The following MAD1L1 variants were observed in gnomAD, a reference collection of about 807,000 sequenced individuals.
MAD1L1 encodes mitotic spindle assembly checkpoint protein MAD1.
Under a neutral mutation model 96.9 loss-of-function variants are expected in MAD1L1, and 95 were observed. The observed-to-expected ratio is 0.98, with a 90% CI of 0.83 to 1.16. The LOEUF (loss-of-function observed/expected upper bound fraction) is 1.16, where lower values mean the gene tolerates loss of function less well. Among genes scored for constraint, MAD1L1 ranks in the 50% most tolerant of loss-of-function variants. The probability of loss-of-function intolerance (pLI) is 0.00; values close to 1 mark genes in which losing one functional copy is unlikely to be tolerated. For synonymous variants in MAD1L1, 473 were observed against 396.6 expected (o/e 1.19, Z -2.29); for missense variants, 1,007 against 954.4 (o/e 1.06, Z -0.73).
chr7:2,231,541 A>T (rs1252906336), intron 1 of MAD1L1, among the ~76,000 whole-genome samples: 3 of 152,018 alleles, frequency 2.0e-5, no homozygotes, highest in Non-Finnish European at 4.4e-5. Flanking sequence ...CAGGAGATGG[A>T]GGTTGCAGTG....
intron 16 of MAD1L1, among the ~76,000 whole-genome samples, chr7:1,947,823 G>A (rs7789484): frequency 0.86 from 130,964 of 152,190 alleles, 57,677 homozygotes; most frequent in Non-Finnish European, 0.96. Flanking sequence ...CCAGCAGGAG[G>A]GCTGAAGGGC....
intron 17 of MAD1L1, among the ~76,000 whole-genome samples, chr7:1,921,983 GA>G (rs1391932577): frequency 6.6e-6 from 1 of 152,204 alleles, no homozygotes; most frequent in Non-Finnish European, 1.5e-5. Flanking sequence ...AAAAGCAACG[GA>G]ATTAACAGAT....
At chr7:1,901,123 G>T (rs1241584135) in intron 17 of MAD1L1, among the ~76,000 whole-genome samples, 5 of 152,192 alleles carry the variant, frequency 3.3e-5, no homozygotes, top group African/African-American at 4.8e-5. Flanking sequence ...GTAGGGAAGG[G>T]TCCATCCTCC....
At chr7:2,163,831 C>G (rs1790285112) in intron 10 of MAD1L1, among the ~76,000 whole-genome samples, 1 of 152,088 alleles carries the variant, frequency 6.6e-6, no homozygotes, top group African/African-American at 2.4e-5. Flanking sequence ...GAATCTGACA[C>G]AAAGCATCTC....
At chr7:2,155,065 C>A (rs558153041) in intron 10 of MAD1L1, among the ~76,000 whole-genome samples, 5 of 152,156 alleles carry the variant, frequency 3.3e-5, no homozygotes, top group Non-Finnish European at 7.3e-5. Context: ...AGAAGCAGCA[C>A]GGGAGCCGGA....
chr7:2,148,769 G>C (rs1420524339), intron 11 of MAD1L1: 1 of 255,052 alleles, frequency 3.9e-6, no homozygotes, highest in African/African-American at 2.2e-5. Context: ...TCATGCTGAC[G>C]TGAAGACTCA....
intron 11 of MAD1L1, among the ~76,000 whole-genome samples, chr7:2,128,727 C>A (rs1162795264): frequency 3.9e-5 from 6 of 152,192 alleles, no homozygotes; most frequent in Non-Finnish European, 8.8e-5. Context: ...CCGGCTCCCT[C>A]TGCCCTTCTC....
chr7:2,152,572 T>A (rs1789633406), intron 10 of MAD1L1, among the ~76,000 whole-genome samples: 1 of 152,144 alleles, frequency 6.6e-6, no homozygotes, highest in Admixed American at 6.5e-5. Flanking sequence ...CAGTCTACTC[T>A]ACTTGCAGAG....
chr7:1,938,379 C>T (rs755008717), intron 16 of MAD1L1, among the ~76,000 whole-genome samples: 2 of 152,066 alleles, frequency 1.3e-5, no homozygotes, highest in Non-Finnish European at 2.9e-5. Context: ...ACACAGGTTA[C>T]TCAAACAGGG....
chr7:1,936,323 C>T (rs1386817314), intron 17 of MAD1L1, among the ~76,000 whole-genome samples: 4 of 152,242 alleles, frequency 2.6e-5, no homozygotes, highest in Non-Finnish European at 5.9e-5. Flanking sequence ...CCATGAAGCA[C>T]ACTTAAGCTG....
intron 12 of MAD1L1, among the ~76,000 whole-genome samples, chr7:2,060,705 C>T (rs1393695278): frequency 6.6e-6 from 1 of 152,230 alleles, no homozygotes; most frequent in Non-Finnish European, 1.5e-5. Flanking sequence ...ATGGCAGCGC[C>T]ACGCGTGGGG....
intron 11 of MAD1L1, among the ~76,000 whole-genome samples, chr7:2,072,155 C>T (rs1368156869): frequency 2.0e-5 from 3 of 152,224 alleles, no homozygotes; most frequent in Non-Finnish European, 2.9e-5. Flanking sequence ...GGACTGAGCC[C>T]TCACCCAGGG....
At chr7:1,873,147 G>A (rs1026209552) in intron 18 of MAD1L1, among the ~76,000 whole-genome samples, 6 of 152,246 alleles carry the variant, frequency 3.9e-5, no homozygotes, top group African/African-American at 1.4e-4. Flanking sequence ...CAATTCTGGT[G>A]CAGCCTCTCC....
chr7:1,857,974 C>A (rs1434052283), intron 18 of MAD1L1, among the ~76,000 whole-genome samples: 1 of 152,218 alleles, frequency 6.6e-6, no homozygotes, highest in African/African-American at 2.4e-5. Context: ...TGGCTGTGGC[C>A]CACGCTGGCA....
intron 16 of MAD1L1, among the ~76,000 whole-genome samples, chr7:1,953,365 G>A (rs1364627404): frequency 1.3e-5 from 2 of 152,224 alleles, no homozygotes; most frequent in African/African-American, 4.8e-5. Flanking sequence ...CATTGAGGTT[G>A]GCCCCGGCCA....
intron 12 of MAD1L1, among the ~76,000 whole-genome samples, chr7:2,041,267 C>A (rs1203415392): frequency 6.6e-6 from 1 of 152,206 alleles, no homozygotes; most frequent in Non-Finnish European, 1.5e-5. Context: ...CTTGGAGACA[C>A]ACATGCCCGC....
At chr7:2,009,806 C>A (rs1405120637) in intron 13 of MAD1L1, among the ~76,000 whole-genome samples, 2 of 152,198 alleles carry the variant, frequency 1.3e-5, no homozygotes, top group Non-Finnish European at 2.9e-5. Context: ...TGGGCTTATT[C>A]CTCACGCCCA....
intron 18 of MAD1L1, among the ~76,000 whole-genome samples, chr7:1,850,510 G>A (rs1428327217): frequency 6.6e-6 from 1 of 152,224 alleles, no homozygotes; most frequent in Non-Finnish European, 1.5e-5. Flanking sequence ...CAGGGCTCCA[G>A]ACGGTGGGTC....
At chr7:1,874,643 T>G (rs1046107647) in intron 18 of MAD1L1, 16 of 422,228 alleles carry the variant, frequency 3.8e-5, no homozygotes, top group African/African-American at 3.1e-4. Flanking sequence ...GGCTTAGGAA[T>G]TGACCCAGGA....
Sources: gnomAD v4.1 joint callset for allele counts (sites outside exome capture counted in the v4.1 genomes callset) on GRCh38, gnomAD v4.1.1 for gene constraint, MANE v1.5 for transcripts, NCBI Gene and HGNC (gene_info 2026-07-23, HGNC 2026-07-21) for gene names.